CRACD: variants seen among roughly 807,000 people sequenced by gnomAD.
CRACD encodes capping protein inhibiting regulator of actin dynamics, also known as capping protein-inhibiting regulator of actin dynamics.
Under a neutral mutation model 106.8 loss-of-function variants are expected in CRACD, and 56 were observed. The observed-to-expected ratio is 0.52, with a 90% CI of 0.42 to 0.66. The LOEUF is 0.66. Ranked by LOEUF, CRACD falls within the 30% of genes least tolerant of loss-of-function variation. The pLI, the probability that CRACD is intolerant of heterozygous loss-of-function variation, is 0.00. For synonymous variants in CRACD, 754 were observed against 670.8 expected (o/e 1.12, Z -1.92); for missense variants, 1,730 against 1,623.2 (o/e 1.07, Z -1.13).
chr4:56,279,070 G>T (rs1408924104), intron 3 of CRACD, among the ~76,000 whole-genome samples: 1 of 151,774 alleles, frequency 6.6e-6, no homozygotes, highest in Non-Finnish European at 1.5e-5. Context: ...ATGGTTTAGG[G>T]TAATGTTTAG....
At chr4:56,279,226 GA>G (rs1402314566) in intron 3 of CRACD, among the ~76,000 whole-genome samples, 1 of 152,150 alleles carries the variant, frequency 6.6e-6, no homozygotes, top group East Asian at 1.9e-4. Context: ...ACCTCAGATG[GA>G]AATGCAGAAA....
intron 1 of CRACD, among the ~76,000 whole-genome samples, chr4:56,116,771 G>A (rs1454902401): frequency 6.6e-6 from 1 of 151,710 alleles, no homozygotes; most frequent in Non-Finnish European, 1.5e-5. Flanking sequence ...TGCGTGGCAC[G>A]ATCTCGGCTC....
At chr4:56,268,241 A>G (rs1315755324) in intron 2 of CRACD, among the ~76,000 whole-genome samples, 1 of 152,208 alleles carries the variant, frequency 6.6e-6, no homozygotes, top group Non-Finnish European at 1.5e-5. Flanking sequence ...AACATTATTA[A>G]ATTCCCCTGA....
chr4:56,233,063 T>C lies in CRACD; in HGVS notation c.-188-39258T>C, dbSNP rs188181335. ...TTTTGCAGAACATTTTTTTGTGTGC[T>C]TATTTACCATTTGTATATCTACTTT... On this transcript the variant is annotated intron_variant, in intron 2 of 10. Transcript: ENST00000682029. Among the ~76,000 whole-genome samples, 1,222 of 152,248 alleles carry C rather than the reference T, an allele frequency of 8.0e-3. 16 individuals are homozygous for C. Among genetic ancestry groups the C allele is most frequent in the Admixed American group, 0.026 (395 of 15,284 alleles).
chr4:56,202,851 C>G (rs1261204872), intron 2 of CRACD, among the ~76,000 whole-genome samples: 1 of 152,084 alleles, frequency 6.6e-6, no homozygotes, highest in Non-Finnish European at 1.5e-5. Flanking sequence ...TCACCTGATT[C>G]TATCACCTAG....
At chr4:56,309,946 G>T (rs1040133824) in intron 5 of CRACD, among the ~76,000 whole-genome samples, 3 of 151,338 alleles carry the variant, frequency 2.0e-5, no homozygotes, top group Non-Finnish European at 4.4e-5. Context: ...TTGAGCCCAG[G>T]AGTTCTAGGC....
chr4:56,283,047 C>T (rs910031217), intron 3 of CRACD, among the ~76,000 whole-genome samples: 2 of 152,130 alleles, frequency 1.3e-5, no homozygotes, highest in African/African-American at 4.8e-5. Context: ...TTGCTCTGAC[C>T]TTCAAGTGTG....
intron 3 of CRACD, among the ~76,000 whole-genome samples, chr4:56,286,301 G>C (rs1743336810): frequency 6.6e-6 from 1 of 151,622 alleles, no homozygotes; most frequent in Non-Finnish European, 1.5e-5. Flanking sequence ...GCTGAGGCGT[G>C]AGAATCTCTG....
At chr4:56,222,939 C>T (rs558530980) in intron 2 of CRACD, among the ~76,000 whole-genome samples, 4 of 151,692 alleles carry the variant, frequency 2.6e-5, no homozygotes, top group Admixed American at 6.6e-5. Context: ...CACGCCATTG[C>T]ACTCCAGCCT....
chr4:56,313,876 C>G (rs1174435829), intron 7 of CRACD, among the ~76,000 whole-genome samples, 164 bp from the exon 8 acceptor site: 3 of 151,792 alleles, frequency 2.0e-5, no homozygotes, highest in Non-Finnish European at 4.4e-5. Flanking sequence ...CAGAGTCTTG[C>G]GTGGGGTGAC....
intron 1 of CRACD, among the ~76,000 whole-genome samples, chr4:56,159,700 T>A (rs1451232905): frequency 2.6e-5 from 4 of 152,136 alleles, no homozygotes; most frequent in African/African-American, 9.7e-5. Context: ...CCCCCTATAA[T>A]CTGCTGGGCA....
intron 2 of CRACD, among the ~76,000 whole-genome samples, chr4:56,236,254 C>T (rs948578028): frequency 5.9e-5 from 9 of 152,044 alleles, no homozygotes; most frequent in Admixed American, 3.3e-4. Context: ...GTCTGCAAGC[C>T]AAAGAACACC....
At chr4:56,266,594 A>T (rs1742035458) in intron 2 of CRACD, among the ~76,000 whole-genome samples, 1 of 152,216 alleles carries the variant, frequency 6.6e-6, no homozygotes, top group African/African-American at 2.4e-5. Flanking sequence ...TCCCATTAGC[A>T]TTGCAGACGT....
chr4:56,323,373 A>G lies in CRACD; in HGVS notation c.3188-4A>G. 6.3e-6 allele frequency: 10 copies of G among 1,593,314 alleles called. No individual in the cohort carries two copies. The highest frequency in any genetic ancestry group is 8.5e-6 in the Non-Finnish European group (10 of 1,175,260). ...CAAACCGTTCTTTGTCTTATTCCCCACAGAGAAGCCGATGCTTCAGAGCAG... is the reference window on the plus strand; with the variant it reads ...CAAACCGTTCTTTGTCTTATTCCCCGCAGAGAAGCCGATGCTTCAGAGCAG... On this transcript the variant is annotated splice_polypyrimidine_tract_variant and splice_region_variant and intron_variant, in intron 8 of 10. Coordinates refer to ENST00000682029, the MANE Select transcript of CRACD (RefSeq NM_001393381.1).
intron 1 of CRACD, among the ~76,000 whole-genome samples, chr4:56,168,986 A>G (rs970795767): frequency 1.3e-5 from 2 of 152,188 alleles, no homozygotes; most frequent in African/African-American, 4.8e-5. Flanking sequence ...AAGCCAATAT[A>G]TTAAACAAGT....
At chr4:56,077,988 G>T (rs528712598) in intron 1 of CRACD, among the ~76,000 whole-genome samples, 3 of 152,092 alleles carry the variant, frequency 2.0e-5, no homozygotes, top group East Asian at 3.9e-4. Context: ...GTACATAAAG[G>T]CACCAAATTA....
chr4:56,160,645 A>G (rs759946077), intron 1 of CRACD, among the ~76,000 whole-genome samples: 5 of 152,252 alleles, frequency 3.3e-5, no homozygotes, highest in Non-Finnish European at 5.9e-5. Flanking sequence ...CCCATCAGCT[A>G]TGTTGTCTTT....
intron 2 of CRACD, among the ~76,000 whole-genome samples, chr4:56,248,529 A>C (rs1740839169): frequency 1.3e-5 from 2 of 151,362 alleles, no homozygotes; most frequent in South Asian, 4.2e-4. Context: ...TTTCTTATTT[A>C]TTTATGAAAT....
Position 56,314,184 on chromosome 4 carries a change from T to C in CRACD, c.682T>C (p.Trp228Arg). The C allele has an allele frequency of 6.2e-7, 1 of 1,612,796 alleles. No homozygotes were observed. The highest frequency in any genetic ancestry group is 8.5e-7 in the Non-Finnish European group (1 of 1,179,444). ...EEERRRQEDY[W>R]RELEAKCKRQ... Reference sequence around the variant, plus strand: ...AGAGAGAAGACGCCAAGAAGACTACTGGCGAGAACTGGAGGCCAAGTGCAA... The same window carrying C: ...AGAGAGAAGACGCCAAGAAGACTACCGGCGAGAACTGGAGGCCAAGTGCAA... Residue 228 changes from tryptophan to arginine, a missense_variant, in exon 8 of 11, where the codon TGG (tryptophan) becomes CGG (arginine). Trp to Arg is a moderately radical substitution (Grantham distance 101). Transcript: ENST00000682029. The surrounding 1 kb of genome is among the most constrained non-coding windows in gnomAD (Gnocchi z 4.4).
Sources: gnomAD v4.1 joint callset for allele counts (sites outside exome capture counted in the v4.1 genomes callset) on GRCh38, gnomAD v4.1.1 for gene constraint, Gnocchi (gnomAD v3.1) non-coding constraint, MANE v1.5 for transcripts, NCBI Gene and HGNC (gene_info 2026-07-23, HGNC 2026-07-21) for gene names.